Variants in MFSD8 observed in about 807,000 individuals in gnomAD.
The protein encoded by MFSD8 is major facilitator superfamily domain containing 8.
Under a neutral mutation model 66.4 loss-of-function variants are expected in MFSD8, and 55 were observed. That is an observed-to-expected ratio of 0.83 (90% CI 0.67 to 1.04). The LOEUF is 1.04. MFSD8 is among the 50% of genes least tolerant of loss of function. The pLI, the probability that MFSD8 is intolerant of heterozygous loss-of-function variation, is 0.00. For missense variants in MFSD8, 550 were observed against 627.6 expected (o/e 0.88, Z 1.32); for synonymous variants, 202 against 212.8 (o/e 0.95, Z 0.44).
intron 9 of MFSD8, among the ~76,000 whole-genome samples, chr4:127,927,117 T>C (rs1737331625): frequency 6.6e-6 from 1 of 152,084 alleles, no homozygotes; most frequent in African/African-American, 2.4e-5. Flanking sequence ...AGTGTTGGAG[T>C]GTGTTTAAAG....
rs1249221320 is a variant in MFSD8, at chr4:127,943,960, G to A, written c.231C>T (p.Gly77=). 3 of 1,613,984 alleles carry A rather than the reference G, an allele frequency of 1.9e-6. No homozygotes were observed. The African/African-American group carries it at 4.0e-5, about 22-fold the overall frequency. ...IDPTADTSFL[G]WVIASYSLGQ... ...CAAGACTATATGAAGCAATAACCCAGCCCAAAAAACTTGTATCAGCTGTCG... is the reference window on the plus strand; with the variant it reads ...CAAGACTATATGAAGCAATAACCCAACCCAAAAAACTTGTATCAGCTGTCG... The change falls in exon 4 of 12, where the codon GGC becomes GGT. Residue 77 remains glycine, a synonymous_variant. Coordinates refer to ENST00000641686, the MANE Select transcript of MFSD8 (RefSeq NM_001371596.2).
chr4:127,946,114 G>A (rs371018293), intron 3 of MFSD8, among the ~76,000 whole-genome samples: 2 of 151,924 alleles, frequency 1.3e-5, no homozygotes, highest in South Asian at 2.1e-4. Flanking sequence ...TTGTAGAGAC[G>A]AGGTCTTATA....
At position 127,942,064 on chromosome 4, in the gene MFSD8, T is replaced by A. The variant is rs1740280377; in HGVS notation, c.534A>T (p.Leu178Phe). The A allele has an allele frequency of 1.2e-6, 2 of 1,613,874 alleles. No homozygotes were observed. The highest frequency in any genetic ancestry group is 1.7e-6 in the Non-Finnish European group (2 of 1,179,838). ...SMANISMCQALGFILGPVFQT... is the reference protein window; with the variant it reads ...SMANISMCQAFGFILGPVFQT... Reference sequence around the variant, plus strand: ...ACCTACCTGGACCTAGAATAAAACCTAATGCTTGACACATGCTTATGTTTG... The same window carrying A: ...ACCTACCTGGACCTAGAATAAAACCAAATGCTTGACACATGCTTATGTTTG... Residue 178 changes from leucine to phenylalanine, a missense_variant, in exon 5 of 12, where the codon TTA (leucine) becomes TTT (phenylalanine). Coordinates refer to ENST00000641686, the MANE Select transcript of MFSD8 (RefSeq NM_001371596.2).
intron 4 of MFSD8, chr4:127,943,391 T>G (rs1302008631): frequency 1.4e-5 from 2 of 146,620 alleles, no homozygotes; most frequent in Non-Finnish European, 2.9e-5. Context: ...TTGTTTTGGG[T>G]TTTTTTTTTT....
chr4:127,942,005 C>T, intron 5 of MFSD8, 40 bp downstream of exon 5: 2 of 1,497,890 alleles, frequency 1.3e-6, no homozygotes, highest in South Asian at 1.1e-5. Context: ...AAAAGTTTTC[C>T]CAATTCAAAT....
At chr4:127,924,405 A>T (rs977509299) in intron 9 of MFSD8, among the ~76,000 whole-genome samples, 1 of 152,202 alleles carries the variant, frequency 6.6e-6, no homozygotes, top group African/African-American at 2.4e-5. Flanking sequence ...CAGGATAAAA[A>T]ATCAATGTGC....
At chr4:127,938,728 C>G in intron 7 of MFSD8, 55 bp downstream of exon 7, 1 of 1,450,198 alleles carries the variant, frequency 6.9e-7, no homozygotes, top group Non-Finnish European at 9.6e-7. Flanking sequence ...CAAACAGAAT[C>G]ATTAGAAACA....
chr4:127,938,597 AAATAAATAAATAAATAAAT>A (rs1739526595), intron 7 of MFSD8, among the ~76,000 whole-genome samples, 167 bp downstream of exon 7: 1 of 102,466 alleles, frequency 9.8e-6, no homozygotes, highest in African/African-American at 5.2e-5. Context: ...AAAAAAAAAT[AAATAAATAAATAAATAAAT>A]AAATAAATAA....
intron 4 of MFSD8, among the ~76,000 whole-genome samples, chr4:127,943,130 T>C (rs965517456): frequency 7.9e-5 from 12 of 151,906 alleles, no homozygotes; most frequent in African/African-American, 2.9e-4. Context: ...GGCAGGAGAA[T>C]TGCTTGAACC....
chr4:127,941,754 G>A (rs370638127), intron 5 of MFSD8, among the ~76,000 whole-genome samples: 19 of 152,190 alleles, frequency 1.2e-4, no homozygotes, highest in African/African-American at 3.6e-4. Flanking sequence ...GGACCACCAC[G>A]CATGGCCTCA....
At position 127,926,196 on chromosome 4, in the gene MFSD8, G is replaced by C. The variant is rs116054743; in HGVS notation, c.999-4233C>G. On this transcript the variant is annotated intron_variant, in intron 9 of 11. Transcript: ENST00000641686. ...ACATTTATACCTATGTAACAAACCT[G>C]CACATATATTCCAGAACTCAAAGTA... 8.3e-3 allele frequency among the ~76,000 whole-genome samples: 1,237 copies of C among 149,748 alleles called. 21 individuals are homozygous for C. The highest frequency in any genetic ancestry group is 0.029 in the African/African-American group (1,161 of 40,578).
chr4:127,927,093 T>C (rs973498671), intron 9 of MFSD8, among the ~76,000 whole-genome samples: 5 of 152,218 alleles, frequency 3.3e-5, no homozygotes, highest in African/African-American at 1.2e-4. Context: ...TTAGCCAAAC[T>C]GAAAACTAAT....
At chr4:127,938,642 T>C in intron 7 of MFSD8, 141 bp downstream of exon 7, 1 of 384,872 alleles carries the variant, frequency 2.6e-6, no homozygotes, top group Non-Finnish European at 4.8e-6. Flanking sequence ...TAAATTTAGG[T>C]CACTTTCAGC....
intron 3 of MFSD8, among the ~76,000 whole-genome samples, chr4:127,946,860 A>G (rs1741112959): frequency 6.6e-6 from 1 of 151,744 alleles, no homozygotes; most frequent in African/African-American, 2.4e-5. Context: ...GGCTGCAGTG[A>G]GCCAAGATTG....
chr4:127,921,430 A>G, intron 11 of MFSD8, 94 bp downstream of exon 11: 1 of 1,591,136 alleles, frequency 6.3e-7, no homozygotes, highest in African/African-American at 1.3e-5. Flanking sequence ...AATCCCTCAA[A>G]TCAGTCTGTG....
At chr4:127,920,989 T>C (rs1462700432) in intron 11 of MFSD8, 153 bp from the exon 12 acceptor site, 3 of 685,366 alleles carry the variant, frequency 4.4e-6, no homozygotes, top group Non-Finnish European at 7.3e-6. Flanking sequence ...CCTATAAATA[T>C]AGCATTTAAT....
At chr4:127,936,898 T>C (rs1739169561) in intron 7 of MFSD8, among the ~76,000 whole-genome samples, 1 of 152,152 alleles carries the variant, frequency 6.6e-6, no homozygotes, top group South Asian at 2.1e-4. Context: ...TACTGATTTT[T>C]ACATATCTTC....
intron 9 of MFSD8, among the ~76,000 whole-genome samples, chr4:127,923,003 C>T (rs2148845556): frequency 6.6e-6 from 1 of 152,226 alleles, no homozygotes; most frequent in South Asian, 2.1e-4. Flanking sequence ...AAAAATTGAA[C>T]CCAAATTTCA....
At position 127,921,847 on chromosome 4, in the gene MFSD8, T is replaced by C. The variant is rs371975482; in HGVS notation, c.1102+13A>G. On this transcript the variant is annotated intron_variant, in intron 10 of 11. Coordinates refer to ENST00000641686, the MANE Select transcript of MFSD8 (RefSeq NM_001371596.2). ...AACAGAGGTTAACATTATAGAATTATGTATGGCTATACCTTCCCACTGTAT... is the reference window on the plus strand; with the variant it reads ...AACAGAGGTTAACATTATAGAATTACGTATGGCTATACCTTCCCACTGTAT... 1.3e-5 allele frequency: 21 copies of C among 1,613,772 alleles called. No homozygotes were observed. In the Admixed American group the frequency reaches 1.5e-4, roughly 12 times the overall value.
Sources: gnomAD v4.1 joint callset for allele counts (sites outside exome capture counted in the v4.1 genomes callset) on GRCh38, gnomAD v4.1.1 for gene constraint, MANE v1.5 for transcripts, NCBI Gene and HGNC (gene_info 2026-07-23, HGNC 2026-07-21) for gene names.